LRCH4: variants seen among roughly 807,000 people sequenced by gnomAD.
LRCH4 encodes the protein leucine rich repeats and calponin homology domain containing 4, also known as leucine-rich repeat and calponin homology domain-containing protein 4.
LRCH4 carries 56 observed loss-of-function variants against 81.2 expected under a neutral mutation model. The ratio of observed to expected loss-of-function variants is 0.69; its 90% CI spans 0.56 to 0.86. The LOEUF is 0.86. LRCH4 is among the 40% of genes least tolerant of loss of function. The pLI, the probability that LRCH4 is intolerant of heterozygous loss-of-function variation, is 0.00. For missense variants in LRCH4, 895 were observed against 922.8 expected (o/e 0.97, Z 0.39); for synonymous variants, 442 against 409.7 (o/e 1.08, Z -0.95).
At chr7:100,576,808 G>C in intron 13 of LRCH4, 31 bp from the exon 14 acceptor site, 1 of 1,557,786 alleles carries the variant, frequency 6.4e-7, no homozygotes, top group Non-Finnish European at 8.7e-7. Context: ...ACAGCGACAG[G>C]GGCAGGTGAG....
At chr7:100,581,359 CA>C (rs1244006257) in intron 4 of LRCH4, among the ~76,000 whole-genome samples, 1 of 152,214 alleles carries the variant, frequency 6.6e-6, no homozygotes, top group African/African-American at 2.4e-5. Context: ...GTAACTTCTT[CA>C]AAGCACATAC....
chr7:100,577,028 T>C lies in LRCH4; in HGVS notation c.1365-23A>G. On this transcript the variant is annotated intron_variant, in intron 12 of 17. Coordinates refer to ENST00000310300, the MANE Select transcript of LRCH4 (RefSeq NM_002319.5). This position sits in a 1 kb window ranked among gnomAD's most constrained non-coding sequence, Gnocchi z 6.7. ...CCGCTGAGGAGAGACAGAAGGGAAT[T>C]AGAGGGATGATGGTCATAGGAAGAG... 6.2e-7 allele frequency: 1 copy of C among 1,613,754 alleles called. No individual in the cohort carries two copies. Among genetic ancestry groups the C allele is most frequent in the South Asian group, 1.1e-5 (1 of 91,070 alleles).
rs1253476213 is a variant in LRCH4 at position 100,577,524 on chromosome 7, C to T, written c.1151G>A (p.Gly384Glu). 3.1e-6 allele frequency: 5 copies of T among 1,610,364 alleles called. No homozygotes were observed. Among genetic ancestry groups the T allele is most frequent in the Middle Eastern group, 1.6e-4 (1 of 6,062 alleles). ...QRPPELSPGA[G>E]DRERAPSSRR... ...GCTGCTTGGTGCCCTCTCCCTGTCC[C>T]CTGCCCCAGGGCTTAATTCGGGTGG... The change falls in exon 10 of 18, where the codon GGG becomes GAG. Residue 384 changes from glycine (G) to glutamate (E), a missense_variant. Coordinates refer to ENST00000310300, the MANE Select transcript of LRCH4 (RefSeq NM_002319.5). The surrounding 1 kb of genome is among the most constrained non-coding windows in gnomAD (Gnocchi z 6.7).
In LRCH4 at chr7:100,583,410, C is replaced by G. The variant is rs1801622306; in HGVS notation, c.221-951G>C. 2.6e-5 allele frequency among the ~76,000 whole-genome samples: 4 copies of G among 152,286 alleles called. No homozygotes were observed. Among genetic ancestry groups the G allele is most frequent in the Admixed American group, 6.5e-5 (1 of 15,298 alleles). On this transcript the variant is annotated intron_variant, in intron 1 of 17. Transcript: ENST00000310300. The surrounding 1 kb of genome is among the most constrained non-coding windows in gnomAD (Gnocchi z 4.3). Reference sequence around the variant, plus strand: ...CACTAACGGCTTAGACCTGGAGAAGCCTGCCTTTCTGTTTCCTCGGCCCAG... The same window carrying G: ...CACTAACGGCTTAGACCTGGAGAAGGCTGCCTTTCTGTTTCCTCGGCCCAG...
rs760375987 is a variant in LRCH4 at position 100,585,918 on chromosome 7, C to T, written c.183G>A (p.Ala61=). The change falls in exon 1 of 18, where the codon GCG becomes GCA. Residue 61 remains alanine, a synonymous_variant. Transcript: ENST00000310300. ...NRRLKHFPRG[A]ARSYDLSDIT... is the part of the protein sequence containing the mutation. ...TGTCTGACAGGTCGTAGCTACGGGC[C>T]GCGCCCCGGGGGAAGTGCTTCAAGC... 1.9e-6 allele frequency: 3 copies of T among 1,611,508 alleles called. 1 individual carries two copies. The South Asian group carries it at 3.3e-5, about 18-fold the overall frequency.
Position 100,575,612 on chromosome 7 carries a change from G to T in LRCH4, c.1854+93C>A. On this transcript the variant is annotated intron_variant, in intron 17 of 17. Transcript: ENST00000310300. The surrounding 1 kb of genome is among the most constrained non-coding windows in gnomAD (Gnocchi z 5.3). ...GGGCAGCCTGTGCCTTCATCTGAGA[G>T]CAGACATCCGCTGCAAATGGAAGCC... 6.9e-7 allele frequency: 1 copy of T among 1,455,356 alleles called. No individual in the cohort carries two copies. The highest frequency in any genetic ancestry group is 9.7e-7 in the Non-Finnish European group (1 of 1,035,690). 90.2% of individuals were successfully genotyped at this position (1,455,356 alleles called of 1,614,324 possible).
At position 100,577,222 on chromosome 7, in the gene LRCH4, A is replaced by G. The variant is rs1432293838; in HGVS notation, c.1295+51T>C. On this transcript the variant is annotated intron_variant, in intron 11 of 17. Coordinates refer to ENST00000310300, the MANE Select transcript of LRCH4 (RefSeq NM_002319.5). This position sits in a 1 kb window ranked among gnomAD's most constrained non-coding sequence, Gnocchi z 6.7. ...CGGCTCAGCGGGGCTCGGTGGCCCC[A>G]TTTCCAGGGCTCAGTGTCCAGCAAC... 1 of 1,607,546 alleles carries G rather than the reference A, an allele frequency of 6.2e-7. No homozygotes were observed. Among genetic ancestry groups the G allele is most frequent in the Non-Finnish European group, 8.5e-7 (1 of 1,178,892 alleles).
At chr7:100,584,365 C>A (rs1801652422) in intron 1 of LRCH4, among the ~76,000 whole-genome samples, 1 of 149,114 alleles carries the variant, frequency 6.7e-6, no homozygotes, top group South Asian at 2.1e-4. Flanking sequence ...GGATTTCCGA[C>A]CCCCCCCCAA....
At chr7:100,579,605 A>AG (rs1459971245) in intron 4 of LRCH4, 1 of 151,734 alleles carries the variant, frequency 6.6e-6, no homozygotes, top group African/African-American at 2.4e-5. Flanking sequence ...TCAAAAAAAA[A>AG]AAAAAAAAAG....
Position 100,586,032 on chromosome 7 carries a change from G to C in LRCH4, c.69C>G (p.Pro23=). 6.3e-7 allele frequency: 1 copy of C among 1,598,686 alleles called. No individual in the cohort carries two copies. The highest frequency in any genetic ancestry group is 1.3e-5 in the African/African-American group (1 of 74,356). ...GEEAAATTSV[P]GSPGLPGRRS... is the part of the protein sequence containing the mutation. ...GTCTCCCCGGCAGACCTGGAGACCC[G>C]GGCACGGAGGTCGTGGCTGCCGCCT... The change falls in exon 1 of 18, where the codon CCC becomes CCG. Residue 23 remains proline (P), a synonymous_variant. Transcript: ENST00000310300.
chr7:100,577,700 A>G lies in LRCH4; in HGVS notation c.1080T>C (p.His360=), dbSNP rs1801417290. 1.2e-6 allele frequency: 2 copies of G among 1,613,990 alleles called. No homozygotes were observed. Among genetic ancestry groups the G allele is most frequent in the Non-Finnish European group, 1.7e-6 (2 of 1,179,984 alleles). The part of the protein sequence containing the change: ...DPVQIDFIDS[H]VPGEDEERGT... Reference sequence around the variant, plus strand: ...CTCGCTCTTCATCCTCCCCGGGGACATGGCTGTCGATGAAGTCAATCTGCA... The same window carrying G: ...CTCGCTCTTCATCCTCCCCGGGGACGTGGCTGTCGATGAAGTCAATCTGCA... Residue 360 remains histidine (H), a synonymous_variant, in exon 9 of 18, where the codon CAT becomes CAC. Transcript: ENST00000310300. The surrounding 1 kb of genome is among the most constrained non-coding windows in gnomAD (Gnocchi z 6.7).
chr7:100,585,089 T>C (rs1037599450), intron 1 of LRCH4: 3 of 240,096 alleles, frequency 1.2e-5, no homozygotes, highest in African/African-American at 4.6e-5. Context: ...AGTCTCTAGC[T>C]GGCCAGCACT....
rs749278680 is a variant in LRCH4 at position 100,582,469 on chromosome 7, A to T, written c.221-10T>A. The T allele has an allele frequency of 8.7e-6, 14 of 1,604,452 alleles. No individual in the cohort carries two copies. Among genetic ancestry groups the T allele is most frequent in the Non-Finnish European group, 1.2e-5 (14 of 1,179,632 alleles). On this transcript the variant is annotated splice_polypyrimidine_tract_variant and intron_variant, in intron 1 of 17. Coordinates refer to ENST00000310300, the MANE Select transcript of LRCH4 (RefSeq NM_002319.5). The surrounding 1 kb of genome is among the most constrained non-coding windows in gnomAD (Gnocchi z 5.0). ...CGGTTCCGGGACAGGTCTGGGGAAA[A>T]GGAGGTGTCGGGGAGAGTTGCGGAA...
Position 100,575,582 on chromosome 7 carries a change from G to T in LRCH4, c.1854+123C>A. 1 of 1,214,850 alleles carries T rather than the reference G, an allele frequency of 8.2e-7. No homozygotes were observed. Among genetic ancestry groups the T allele is most frequent in the Non-Finnish European group, 1.2e-6 (1 of 819,504 alleles). 75.3% of individuals were successfully genotyped at this position (1,214,850 alleles called of 1,614,324 possible). A position where few individuals can be genotyped will look rare whatever the true frequency, so the allele number is the denominator to read the frequency against. On this transcript the variant is annotated intron_variant, in intron 17 of 17. Transcript: ENST00000310300. The surrounding 1 kb of genome is among the most constrained non-coding windows in gnomAD (Gnocchi z 5.3). ...GCAGGGCAGGGGGCATGCTGGGCAG[G>T]GCAGGGGCAGCCTGTGCCTTCATCT...
rs777660691 is a variant in LRCH4 at position 100,578,281 on chromosome 7, G to C, written c.849-23C>G. On this transcript the variant is annotated intron_variant, in intron 6 of 17. Transcript: ENST00000310300. This position sits in a 1 kb window ranked among gnomAD's most constrained non-coding sequence, Gnocchi z 5.7. ...GGGCTGGGGCCAGCCAGGCGGATCT[G>C]GTCAGCCTGATGCTGGACAACAGCC... The C allele has an allele frequency of 1.1e-5, 18 of 1,610,100 alleles. No homozygotes were observed. Among genetic ancestry groups the C allele is most frequent in the Non-Finnish European group, 1.5e-5 (18 of 1,176,386 alleles).
At chr7:100,585,760 G>A in intron 1 of LRCH4, 121 bp downstream of exon 1, 2 of 1,052,098 alleles carry the variant, frequency 1.9e-6, no homozygotes, top group Admixed American at 3.2e-5. Flanking sequence ...GGGCAATCAG[G>A]AGGGGCAGCA....
chr7:100,582,040 C>T lies in LRCH4; in HGVS notation c.492+1G>A. 6.2e-7 allele frequency: 1 copy of T among 1,607,186 alleles called. No individual in the cohort carries two copies. The highest frequency in any genetic ancestry group is 8.5e-7 in the Non-Finnish European group (1 of 1,177,222). On this transcript the variant is annotated splice_donor_variant, in intron 3 of 17. Coordinates refer to ENST00000310300, the MANE Select transcript of LRCH4 (RefSeq NM_002319.5). LOFTEE classifies it high-confidence loss of function. The surrounding 1 kb of genome is among the most constrained non-coding windows in gnomAD (Gnocchi z 5.0). ...TTTCCTGGTCCCGTCCCCATCCTCA[C>T]AAGCTGTCGCAGGCTTCCCAGGGTG... is the stretch of plus-strand genomic sequence containing the variant.
rs761781749 is a variant in LRCH4 at position 100,578,393 on chromosome 7, A to T, written c.848+6T>A. ...AGGGCTTCCTTCCTCCCCACCTAGG[A>T]CTTACCAGGGACTGAAACTCGGGGG... On this transcript the variant is annotated splice_donor_region_variant and intron_variant, in intron 6 of 17. Transcript: ENST00000310300. The surrounding 1 kb of genome is among the most constrained non-coding windows in gnomAD (Gnocchi z 5.7). The T allele has an allele frequency of 6.2e-7, 1 of 1,613,076 alleles. No homozygotes were observed. The highest frequency in any genetic ancestry group is 1.1e-5 in the South Asian group (1 of 90,986).
chr7:100,575,246 G>T lies in LRCH4; in HGVS notation c.1913C>A (p.Ala638Glu), dbSNP rs373733500. 1.3e-6 allele frequency: 2 copies of T among 1,591,598 alleles called. No individual in the cohort carries two copies. The highest frequency in any genetic ancestry group is 1.3e-5 in the African/African-American group (1 of 74,602). The change falls in exon 18 of 18, where the codon GCG (alanine) becomes GAG (glutamate). Residue 638 changes from alanine to glutamate, a missense_variant. Around this residue, in one of 3 missense-constraint regions of LRCH4, gnomAD observed 529 missense variants for 504.9 expected, o/e 1.05. Coordinates refer to ENST00000310300, the MANE Select transcript of LRCH4 (RefSeq NM_002319.5). This position sits in a 1 kb window ranked among gnomAD's most constrained non-coding sequence, Gnocchi z 5.3. ...CCCCACCCGCTTCACGGCCTCCAGC[G>T]CGGTCCGCAGCCCCCGGGCAGTGCC... ...LQGTARGLRT[A>E]LEAVKRVGGK...
Sources: allele counts gnomAD v4.1 joint callset (sites outside exome capture counted in the v4.1 genomes callset), GRCh38; gene constraint gnomAD v4.1.1; regional missense constraint gnomAD v4.1.1; non-coding constraint Gnocchi (gnomAD v3.1); transcripts MANE v1.5; gene names NCBI Gene and HGNC (gene_info 2026-07-23, HGNC 2026-07-21).